Variants in KALRN observed in about 807,000 individuals in gnomAD.
The protein encoded by KALRN is kalirin.
In KALRN, 70 loss-of-function variants were observed where a neutral mutation model predicts 353.7. The observed-to-expected ratio is 0.20, with a 90% confidence interval of 0.16 to 0.24. The LOEUF (loss-of-function observed/expected upper bound fraction) is 0.24. Among genes scored for constraint, KALRN ranks in the 10% least tolerant of loss-of-function variants. KALRN has a pLI of 1.00. For missense variants in KALRN, 2,791 were observed against 3,756.7 expected, an observed-to-expected ratio of 0.74 and a Z score of 6.72; for synonymous variants, 1,391 against 1,434.8, an observed-to-expected ratio of 0.97 and a Z score of 0.69.
chr3:124,278,893 C>T (rs975979782), intron 5 of KALRN, among the ~76,000 whole-genome samples: 2 of 152,126 alleles, frequency 1.3e-5, no homozygotes, highest in African/African-American at 4.8e-5. Context: ...CCCAAGGTTT[C>T]TTTCTAGGCA....
intron 13 of KALRN, among the ~76,000 whole-genome samples, chr3:124,409,984 C>G (rs1321547474): frequency 6.6e-6 from 1 of 152,072 alleles, no homozygotes. Context: ...CTGGAAATTC[C>G]CATTCTCCAG....
intron 33 of KALRN, among the ~76,000 whole-genome samples, chr3:124,525,017 G>C (rs1457201124): frequency 6.6e-6 from 1 of 152,182 alleles, no homozygotes; most frequent in Non-Finnish European, 1.5e-5. Flanking sequence ...GGGGTTCAGG[G>C]TAGATATGCA....
At chr3:124,107,997 G>A (rs774853603) in intron 1 of KALRN, among the ~76,000 whole-genome samples, 16 of 152,208 alleles carry the variant, frequency 1.1e-4, no homozygotes, top group East Asian at 3.9e-4. Flanking sequence ...TGGCTTCTCC[G>A]CCCCTCACTC....
At chr3:124,517,773 T>C (rs1373828435) in intron 33 of KALRN, among the ~76,000 whole-genome samples, 2 of 152,190 alleles carry the variant, frequency 1.3e-5, no homozygotes, top group African/African-American at 4.8e-5. Context: ...TCACCTGTCA[T>C]GGTCCCTGGA....
chr3:124,426,581 A>G (rs1433542338), intron 15 of KALRN, among the ~76,000 whole-genome samples: 1 of 152,222 alleles, frequency 6.6e-6, no homozygotes, highest in Non-Finnish European at 1.5e-5. Flanking sequence ...CTCAGAACAA[A>G]TGAAATTGAT....
At chr3:124,643,920 A>C (rs2082393545) in intron 37 of KALRN, among the ~76,000 whole-genome samples, 1 of 152,260 alleles carries the variant, frequency 6.6e-6, no homozygotes, top group Non-Finnish European at 1.5e-5. Context: ...TGTGTGACAA[A>C]AGTAGCTAAA....
intron 5 of KALRN, among the ~76,000 whole-genome samples, chr3:124,293,597 T>G (rs2149165013): frequency 6.6e-6 from 1 of 152,270 alleles, no homozygotes; most frequent in East Asian, 1.9e-4. Context: ...AAAAAATTAC[T>G]TAGCTTGGTT....
At chr3:124,223,121 C>G (rs1043808586) in intron 1 of KALRN, among the ~76,000 whole-genome samples, 6 of 150,522 alleles carry the variant, frequency 4.0e-5, no homozygotes, top group Non-Finnish European at 8.8e-5. Flanking sequence ...GTTAATTGTC[C>G]TATTTGGAAA....
At position 124,655,678 on chromosome 3, in the gene KALRN, G is replaced by A; in HGVS notation, c.5862+11G>A. The A allele has an allele frequency of 6.2e-7, 1 of 1,611,676 alleles. No homozygotes were observed. Among genetic ancestry groups the A allele is most frequent in the East Asian group, 2.2e-5 (1 of 44,872 alleles). ...GGCATTGTGGTGGAGGTAAGTAGAGGGTTCCAGGTGGGTCTGTGGTCACCC... is the reference window on the plus strand; with the variant it reads ...GGCATTGTGGTGGAGGTAAGTAGAGAGTTCCAGGTGGGTCTGTGGTCACCC... On this transcript the variant is annotated intron_variant, in intron 39 of 59. Transcript: ENST00000682506.
intron 1 of KALRN, among the ~76,000 whole-genome samples, chr3:124,169,846 C>G (rs1370747370): frequency 6.6e-6 from 1 of 152,082 alleles, no homozygotes; most frequent in African/African-American, 2.4e-5. Flanking sequence ...TAGTGACTTG[C>G]TGGAGTAGAA....
chr3:124,146,219 T>G (rs1248666340), intron 1 of KALRN, among the ~76,000 whole-genome samples: 1 of 152,166 alleles, frequency 6.6e-6, no homozygotes, highest in African/African-American at 2.4e-5. Context: ...CCCTAAAGTG[T>G]GGTCCATGGA....
intron 9 of KALRN, among the ~76,000 whole-genome samples, chr3:124,336,643 A>G: frequency 6.6e-6 from 1 of 151,950 alleles, no homozygotes; most frequent in South Asian, 2.1e-4. Context: ...TTCTGTGGCT[A>G]CTCTAAACTA....
intron 6 of KALRN, among the ~76,000 whole-genome samples, chr3:124,318,539 A>G (rs900158992): frequency 1.3e-5 from 2 of 152,212 alleles, no homozygotes; most frequent in Non-Finnish European, 2.9e-5. Context: ...TAGGACCCAA[A>G]GTGAGTTTTG....
intron 27 of KALRN, 116 bp downstream of exon 27, chr3:124,477,450 A>G (rs2061534333): frequency 6.4e-6 from 5 of 779,704 alleles, no homozygotes; most frequent in South Asian, 5.0e-5. Context: ...TTTACTGGCC[A>G]CTGCAAACCT....
At chr3:124,528,519 T>C (rs533937409) in intron 33 of KALRN, among the ~76,000 whole-genome samples, 2 of 152,246 alleles carry the variant, frequency 1.3e-5, no homozygotes, top group African/African-American at 4.8e-5. Flanking sequence ...AACCTGGCTC[T>C]CTCCTCCCAA....
At chr3:124,355,077 T>C (rs986058985) in intron 10 of KALRN, among the ~76,000 whole-genome samples, 2 of 152,220 alleles carry the variant, frequency 1.3e-5, no homozygotes, top group East Asian at 3.8e-4. Context: ...AAATCTGTGA[T>C]ACTGTAAATG....
chr3:124,129,080 G>A (rs911317765), intron 1 of KALRN, among the ~76,000 whole-genome samples: 2 of 152,078 alleles, frequency 1.3e-5, no homozygotes, highest in Admixed American at 6.6e-5. Context: ...GCGTACAGCC[G>A]TATTCAGCAT....
chr3:124,699,746 A>G (rs1041817501), intron 55 of KALRN, 123 bp from the exon 56 acceptor site: 1 of 905,380 alleles, frequency 1.1e-6, no homozygotes, highest in Non-Finnish European at 1.7e-6. Flanking sequence ...AGAGCCTGAC[A>G]CGGTAACCAC....
At chr3:124,321,620 C>T (rs2079347933) in intron 6 of KALRN, among the ~76,000 whole-genome samples, 1 of 152,166 alleles carries the variant, frequency 6.6e-6, no homozygotes, top group Non-Finnish European at 1.5e-5. Context: ...GAAGAAGGGG[C>T]TCTCCATCCT....
Sources: gnomAD v4.1 joint callset for allele counts (sites outside exome capture counted in the v4.1 genomes callset) on GRCh38, gnomAD v4.1.1 for gene constraint, MANE v1.5 for transcripts, NCBI Gene and HGNC (gene_info 2026-07-23, HGNC 2026-07-21) for gene names.